Variants in TGS1 observed in about 807,000 individuals in gnomAD.
TGS1 encodes trimethylguanosine synthase 1.
TGS1 carries 69 observed loss-of-function variants against 92.2 expected under a neutral mutation model. That is an observed-to-expected ratio of 0.75 (90% CI 0.62 to 0.91). The LOEUF (loss-of-function observed/expected upper bound fraction) is 0.91, where lower values mean the gene tolerates loss of function less well. TGS1 is among the 40% of genes least tolerant of loss of function. The pLI is 0.00. For missense variants in TGS1, 1,062 were observed against 1,001.2 expected (o/e 1.06, Z -0.82); for synonymous variants, 345 against 338.1 (o/e 1.02, Z -0.22).
intron 10 of TGS1, among the ~76,000 whole-genome samples, chr8:55,809,475 T>C (rs1803282633): frequency 6.6e-6 from 1 of 151,324 alleles, no homozygotes; most frequent in Admixed American, 6.6e-5. Flanking sequence ...TTTGCAGTTG[T>C]GGGGTGCAGG....
At chr8:55,817,889 A>G (rs963209106) in intron 12 of TGS1, among the ~76,000 whole-genome samples, 4 of 152,318 alleles carry the variant, frequency 2.6e-5, no homozygotes, top group South Asian at 2.1e-4. Context: ...TTCATACACT[A>G]TACATCTACA....
chr8:55,799,356 CAT>C, intron 8 of TGS1, 136 bp downstream of exon 8: 1 of 829,834 alleles, frequency 1.2e-6, no homozygotes, highest in Non-Finnish European at 1.8e-6. Context: ...TGAGAGAAGG[CAT>C]ATTAAGTGTA....
intron 5 of TGS1, among the ~76,000 whole-genome samples, chr8:55,790,648 C>T (rs1372732747): frequency 6.6e-6 from 1 of 152,072 alleles, no homozygotes; most frequent in Non-Finnish European, 1.5e-5. Flanking sequence ...CCTTGAGTAG[C>T]TGGGACTACA....
At chr8:55,805,660 C>T (rs1158478732) in intron 10 of TGS1, among the ~76,000 whole-genome samples, 1 of 151,914 alleles carries the variant, frequency 6.6e-6, no homozygotes. Flanking sequence ...CCAAGGTAGG[C>T]GGATCACCTG....
intron 1 of TGS1, among the ~76,000 whole-genome samples, chr8:55,776,277 CT>C (rs71256565): frequency 0.022 from 2,701 of 120,524 alleles, 20 homozygotes; most frequent in African/African-American, 0.05. Flanking sequence ...TTCACGGTGT[CT>C]TTTTTTTTTT....
chr8:55,824,690 C>A lies in TGS1; in HGVS notation c.2549C>A (p.Ala850Asp), dbSNP rs771277955. 1.9e-6 allele frequency: 3 copies of A among 1,614,124 alleles called. No individual in the cohort carries two copies. The highest frequency in any genetic ancestry group is 2.5e-6 in the Non-Finnish European group (3 of 1,179,994). ...TTTGGTGACCTAATTCGAAGACCAGCCTCTGAAACCTAACTATGCAGCAGT... is the reference window on the plus strand; with the variant it reads ...TTTGGTGACCTAATTCGAAGACCAGACTCTGAAACCTAACTATGCAGCAGT... ...AYFGDLIRRP[A>D]SET Residue 850 changes from alanine to aspartate, a missense_variant, in exon 13 of 13, where the codon GCC (alanine) becomes GAC (aspartate). By Grantham distance (126) the Ala-to-Asp change is moderately radical (BLOSUM62 -2). Transcript: ENST00000260129.
At chr8:55,792,907 CT>C (rs1397013195) in intron 6 of TGS1, 123 bp downstream of exon 6, 1 of 662,908 alleles carries the variant, frequency 1.5e-6, no homozygotes, top group Non-Finnish European at 2.6e-6. Flanking sequence ...TAAATCACTT[CT>C]TGTTAGAATT....
chr8:55,805,715 G>GTC (rs1812346793), intron 10 of TGS1, among the ~76,000 whole-genome samples: 1 of 151,608 alleles, frequency 6.6e-6, no homozygotes, highest in South Asian at 2.1e-4. Context: ...GTGAAACCCC[G>GTC]TCTACTAAAA....
chr8:55,776,353 T>C (rs923297245), intron 1 of TGS1, among the ~76,000 whole-genome samples: 1 of 148,520 alleles, frequency 6.7e-6, no homozygotes, highest in Non-Finnish European at 1.5e-5. Context: ...AGATCTCTGC[T>C]CACTGCAAGC....
chr8:55,779,497 G>T (rs1811498238), intron 1 of TGS1, among the ~76,000 whole-genome samples: 1 of 152,208 alleles, frequency 6.6e-6, no homozygotes, highest in Non-Finnish European at 1.5e-5. Context: ...CACTGTGGTG[G>T]GACCAAAAAG....
chr8:55,802,422 TAGTG>T (rs762708929), intron 8 of TGS1, 31 bp from the exon 9 acceptor site: 24 of 1,576,310 alleles, frequency 1.5e-5, no homozygotes, highest in Non-Finnish European at 2.0e-5. Flanking sequence ...ATTTTTTTCT[TAGTG>T]AGCATCTATA....
intron 12 of TGS1, among the ~76,000 whole-genome samples, chr8:55,813,798 C>T (rs1298745119): frequency 6.6e-6 from 1 of 152,060 alleles, no homozygotes; most frequent in African/African-American, 2.4e-5. Context: ...GTGTTTGTCG[C>T]TTCCTTTTTC....
Position 55,806,170 on chromosome 8 carries a change from A to C in TGS1, c.2143+1134A>C, listed in dbSNP as rs1191993167. On this transcript the variant is annotated intron_variant, in intron 10 of 12. Coordinates refer to ENST00000260129, the MANE Select transcript of TGS1 (RefSeq NM_024831.8). The stretch of plus-strand genomic sequence containing the variant: ...GGGGAGTTCAAGACCAGCCTGACCA[A>C]CATGGAGAGACCCCGTCTCTCCTAA... 2.0e-5 allele frequency among the ~76,000 whole-genome samples: 3 copies of C among 151,476 alleles called. No homozygotes were observed. The East Asian group carries it at 5.9e-4, about 30-fold the overall frequency.
intron 1 of TGS1, 21 bp from the exon 2 acceptor site, chr8:55,782,727 A>ACTGCTTAAT (rs1811600732): frequency 4.4e-6 from 7 of 1,578,022 alleles, no homozygotes; most frequent in Non-Finnish European, 6.0e-6. Flanking sequence ...TTCAATATGA[A>ACTGCTTAAT]CTGCTTAATC....
At chr8:55,821,119 A>C (rs1162651188) in intron 12 of TGS1, among the ~76,000 whole-genome samples, 1 of 152,250 alleles carries the variant, frequency 6.6e-6, no homozygotes, top group African/African-American at 2.4e-5. Context: ...ATTCGTAATC[A>C]GAACACTTGA....
chr8:55,801,298 T>C (rs1273580919), intron 8 of TGS1, among the ~76,000 whole-genome samples: 2 of 152,194 alleles, frequency 1.3e-5, no homozygotes, highest in Non-Finnish European at 2.9e-5. Flanking sequence ...TTAGACAGAG[T>C]CTTGCTCTGT....
Position 55,792,735 on chromosome 8 carries a change from T to G in TGS1, c.1318T>G (p.Phe440Val), listed in dbSNP as rs1811921016. ...LDIDENPASD[F>V]DDSGSLLGFK... ...CATTGATGAAAACCCAGCTTCAGACTTTGATGACAGTGGTTCCCTTCTAGG... is the reference window on the plus strand; with the variant it reads ...CATTGATGAAAACCCAGCTTCAGACGTTGATGACAGTGGTTCCCTTCTAGG... The change falls in exon 6 of 13, where the codon TTT becomes GTT. Residue 440 changes from phenylalanine to valine, a missense_variant. Transcript: ENST00000260129. 1.9e-6 allele frequency: 3 copies of G among 1,614,016 alleles called. No individual in the cohort carries two copies. Among genetic ancestry groups the G allele is most frequent in the East Asian group, 4.5e-5 (2 of 44,854 alleles).
intron 1 of TGS1, among the ~76,000 whole-genome samples, chr8:55,781,579 T>C: frequency 6.6e-6 from 1 of 152,164 alleles, no homozygotes; most frequent in Non-Finnish European, 1.5e-5. Flanking sequence ...GGCAGACCAG[T>C]GATGCCCCCT....
chr8:55,789,238 C>A lies in TGS1; in HGVS notation c.1163-944C>A, dbSNP rs549905386. On this transcript the variant is annotated intron_variant, in intron 4 of 12. Transcript: ENST00000260129. Reference sequence around the variant, plus strand: ...CCTCCTGGTCTCAGCCACCCACTTTCTTCCAGTCTGACAAAATAGAGAACA... The same window carrying A: ...CCTCCTGGTCTCAGCCACCCACTTTATTCCAGTCTGACAAAATAGAGAACA... Among the ~76,000 whole-genome samples the A allele has an allele frequency of 1.3e-5, 2 of 152,150 alleles. 1 individual carries two copies. The highest frequency in any genetic ancestry group is 2.9e-5 in the Non-Finnish European group (2 of 68,028).
Sources: gnomAD v4.1 joint callset for allele counts (sites outside exome capture counted in the v4.1 genomes callset) on GRCh38, gnomAD v4.1.1 for gene constraint, MANE v1.5 for transcripts, NCBI Gene and HGNC (gene_info 2026-07-23, HGNC 2026-07-21) for gene names.